MPP7: variants seen among roughly 807,000 people sequenced by gnomAD.
MPP7 encodes the protein MAGUK p55 scaffold protein 7.
A neutral mutation model predicts 76.5 loss-of-function variants in MPP7; 60 were observed. The observed-to-expected ratio is 0.78, with a 90% CI of 0.64 to 0.97. The LOEUF is 0.97. MPP7 is among the 50% of genes least tolerant of loss of function. The pLI is 0.00. For missense variants in MPP7, 641 were observed against 694.0 expected, an observed-to-expected ratio of 0.92 and a Z score of 0.86; for synonymous variants, 237 against 244.5, an observed-to-expected ratio of 0.97 and a Z score of 0.29.
At chr10:28,141,579 A>G (rs150998870) in intron 5 of MPP7, among the ~76,000 whole-genome samples, 2,486 of 152,248 alleles carry the variant, frequency 0.016, 62 homozygotes, top group African/African-American at 0.056. Context: ...CATGGGGGAA[A>G]ATTAATTTAT....
chr10:28,124,182 T>C, intron 7 of MPP7, 66 bp from the exon 8 acceptor site: 2 of 1,036,722 alleles, frequency 1.9e-6, no homozygotes, highest in Non-Finnish European at 3.0e-6. Context: ...TTTGCAGCTG[T>C]TTCCATAAGT....
intron 2 of MPP7, among the ~76,000 whole-genome samples, chr10:28,317,945 C>T (rs1481203821): frequency 6.6e-6 from 1 of 152,218 alleles, no homozygotes; most frequent in Non-Finnish European, 1.5e-5. Flanking sequence ...AATAAAAATA[C>T]AAATGTGTGA....
chr10:28,077,083 A>C (rs1411947731), intron 12 of MPP7, among the ~76,000 whole-genome samples: 1 of 51,446 alleles, frequency 1.9e-5, no homozygotes, highest in Non-Finnish European at 2.8e-5. Flanking sequence ...CTCTAACTAC[A>C]AAAAAAAAAA....
intron 12 of MPP7, among the ~76,000 whole-genome samples, chr10:28,089,374 A>AT (rs1310675998): frequency 6.6e-6 from 1 of 152,038 alleles, no homozygotes; most frequent in African/African-American, 2.4e-5. Flanking sequence ...GTTCAAAAAT[A>AT]TTCACTTCTA....
chr10:28,205,868 G>A (rs1257059736), intron 2 of MPP7, among the ~76,000 whole-genome samples: 1 of 152,168 alleles, frequency 6.6e-6, no homozygotes, highest in Non-Finnish European at 1.5e-5. Flanking sequence ...GTTGGGAGGT[G>A]GAGGCCAGTG....
intron 6 of MPP7, among the ~76,000 whole-genome samples, chr10:28,129,131 C>A (rs1466198098): frequency 1.3e-5 from 2 of 152,036 alleles, no homozygotes; most frequent in Non-Finnish European, 2.9e-5. Context: ...CCTCTCTTAC[C>A]ACAATTGTTT....
intron 13 of MPP7, among the ~76,000 whole-genome samples, chr10:28,068,787 A>T (rs941434326): frequency 1.3e-5 from 2 of 152,228 alleles, no homozygotes; most frequent in Non-Finnish European, 1.5e-5. Flanking sequence ...TCTGGAAAAC[A>T]TTAGCACTTA....
At chr10:28,073,581 C>T (rs1852337851) in intron 12 of MPP7, among the ~76,000 whole-genome samples, 1 of 151,996 alleles carries the variant, frequency 6.6e-6, no homozygotes, top group African/African-American at 2.4e-5. Flanking sequence ...ACCAGCCTGG[C>T]CAACATGTCA....
chr10:28,060,441 T>G (rs575675482), intron 13 of MPP7, among the ~76,000 whole-genome samples: 1 of 152,284 alleles, frequency 6.6e-6, no homozygotes, highest in Admixed American at 6.5e-5. Context: ...CTACAGGCCA[T>G]CCTTCCTGCA....
At chr10:28,162,078 A>G (rs907274055) in intron 3 of MPP7, among the ~76,000 whole-genome samples, 16 of 152,248 alleles carry the variant, frequency 1.1e-4, no homozygotes, top group African/African-American at 3.9e-4. Context: ...CAGATCAGCT[A>G]TAACAAAGCA....
chr10:28,167,901 C>T (rs995217705), intron 3 of MPP7, among the ~76,000 whole-genome samples: 1 of 152,166 alleles, frequency 6.6e-6, no homozygotes, highest in African/African-American at 2.4e-5. Flanking sequence ...GAATAGCTAG[C>T]TCACTGTGGC....
intron 2 of MPP7, among the ~76,000 whole-genome samples, chr10:28,204,553 T>C (rs891491770): frequency 6.6e-6 from 1 of 152,026 alleles, no homozygotes; most frequent in Non-Finnish European, 1.5e-5. Flanking sequence ...ATTGTACCAA[T>C]GGCAATTTCC....
chr10:28,053,424 CT>C lies in MPP7; in HGVS notation c.*640del, dbSNP rs1851430725. 6.6e-6 allele frequency: 1 copy of C among 152,140 alleles called. No individual in the cohort carries two copies. The allele number at this position is 152,140 out of a possible 1,614,324, so 9.4% of individuals were successfully genotyped here. A position where few individuals can be genotyped will look rare whatever the true frequency, so the allele number is the denominator to read the frequency against. On this transcript the variant is annotated 3_prime_UTR_variant, in exon 17 of 17. Coordinates refer to ENST00000683449, the MANE Select transcript of MPP7 (RefSeq NM_001318170.2). ...TCCCTTATTAAATGTTGTTGAGTCA[CT>C]GACAGGTACTCAAAAGGACTTCTCA...
At chr10:28,223,662 A>C (rs1838594352) in intron 2 of MPP7, among the ~76,000 whole-genome samples, 1 of 152,146 alleles carries the variant, frequency 6.6e-6, no homozygotes, top group African/African-American at 2.4e-5. Flanking sequence ...AGACAGGATT[A>C]GTTTACAGTA....
chr10:28,307,282 A>C (rs890314280), upstream of MPP7, among the ~76,000 whole-genome samples: 1 of 152,190 alleles, frequency 6.6e-6, no homozygotes, highest in Non-Finnish European at 1.5e-5. Flanking sequence ...TTTCTACTTC[A>C]GTTGGCTTCC....
chr10:28,261,247 A>C (rs895251140), intron 1 of MPP7, among the ~76,000 whole-genome samples: 8 of 152,332 alleles, frequency 5.3e-5, no homozygotes, highest in African/African-American at 1.9e-4. Flanking sequence ...TAGCAAGGTG[A>C]GCAGAACACT....
chr10:28,332,870 C>T (rs1834483854), intron 1 of MPP7, among the ~76,000 whole-genome samples: 1 of 151,888 alleles, frequency 6.6e-6, no homozygotes, highest in Non-Finnish European at 1.5e-5. Flanking sequence ...ACTATGTTGC[C>T]CAAGCTGGTC....
intron 2 of MPP7, among the ~76,000 whole-genome samples, chr10:28,202,570 C>G (rs142024424): frequency 6.6e-6 from 1 of 152,054 alleles, no homozygotes; most frequent in African/African-American, 2.4e-5. Flanking sequence ...AAGAAGAAAA[C>G]GCATACATTC....
chr10:28,122,763 T>G (rs1834884711), intron 8 of MPP7, among the ~76,000 whole-genome samples: 2 of 152,166 alleles, frequency 1.3e-5, no homozygotes, highest in Admixed American at 6.5e-5. Context: ...CATTAGCCTT[T>G]TATTATATAT....
Sources: allele counts gnomAD v4.1 joint callset (sites outside exome capture counted in the v4.1 genomes callset), GRCh38; gene constraint gnomAD v4.1.1; transcripts MANE v1.5; gene names NCBI Gene and HGNC (gene_info 2026-07-23, HGNC 2026-07-21).